Variants in DOCK5 observed in about 807,000 individuals in gnomAD.
The protein encoded by DOCK5 is dedicator of cytokinesis protein 5.
In DOCK5, 142 loss-of-function variants were observed where a neutral mutation model predicts 251.8. That is an observed-to-expected ratio of 0.56 (90% CI 0.49 to 0.65). The LOEUF (loss-of-function observed/expected upper bound fraction) is 0.65. Ranked by LOEUF, DOCK5 falls within the 30% of genes least tolerant of loss-of-function variation. DOCK5 has a pLI of 0.00. For missense variants in DOCK5, 2,111 were observed against 2,312.3 expected (o/e 0.91, Z 1.79); for synonymous variants, 842 against 835.5 (o/e 1.01, Z -0.13).
chr8:25,270,514 T>C (rs1053086411), intron 3 of DOCK5, among the ~76,000 whole-genome samples: 14 of 152,328 alleles, frequency 9.2e-5, no homozygotes, highest in African/African-American at 2.4e-4. Flanking sequence ...AGAATACTTA[T>C]GTCACTTAAT....
At chr8:25,308,170 C>T (rs1310590608) in intron 11 of DOCK5, among the ~76,000 whole-genome samples, 1 of 152,066 alleles carries the variant, frequency 6.6e-6, no homozygotes, top group Non-Finnish European at 1.5e-5. Flanking sequence ...GTTCTTTGAT[C>T]GCCCTTTACA....
At chr8:25,263,406 G>A (rs1803644264) in intron 2 of DOCK5, among the ~76,000 whole-genome samples, 1 of 151,892 alleles carries the variant, frequency 6.6e-6, no homozygotes, top group African/African-American at 2.4e-5. Context: ...TGTATAAAAA[G>A]TCATGAATTC....
intron 6 of DOCK5, among the ~76,000 whole-genome samples, chr8:25,295,013 T>C (rs534164898): frequency 3.3e-5 from 5 of 152,200 alleles, no homozygotes; most frequent in Admixed American, 1.3e-4. Context: ...ACTTCCAACA[T>C]TGGGGTGAAT....
Position 25,184,903 on chromosome 8 carries a change from G to C in DOCK5, c.-6G>C. 2 of 1,412,910 alleles carry C rather than the reference G, an allele frequency of 1.4e-6. No individual in the cohort carries two copies. The highest frequency in any genetic ancestry group is 9.3e-7 in the Non-Finnish European group (1 of 1,074,966). 87.5% of individuals were successfully genotyped at this position (1,412,910 alleles called of 1,614,324 possible). A position where few individuals can be genotyped will look rare whatever the true frequency, so the allele number is the denominator to read the frequency against. ...GTCGCCGCCGCCGCGGGGCGAGGTC[G>C]CCGCCATGGCCCGCTGGATCCCGAC... is the stretch of plus-strand genomic sequence containing the variant. On this transcript the variant is annotated 5_prime_UTR_variant, in exon 1 of 52. Transcript: ENST00000276440.
At chr8:25,324,245 G>A (rs1337140915) in intron 17 of DOCK5, among the ~76,000 whole-genome samples, 1 of 152,156 alleles carries the variant, frequency 6.6e-6, no homozygotes, top group African/African-American at 2.4e-5. Flanking sequence ...ATGGTAAGGG[G>A]TCGGCCTCTC....
At chr8:25,194,570 T>G (rs1296699298) in intron 1 of DOCK5, among the ~76,000 whole-genome samples, 1 of 152,020 alleles carries the variant, frequency 6.6e-6, no homozygotes, top group Non-Finnish European at 1.5e-5. Flanking sequence ...GCCTTGGCTC[T>G]CATTCCCATT....
In DOCK5 at chr8:25,373,601, C is replaced by CTT. The variant is rs3215159; in HGVS notation, c.3685-10_3685-9dup. 1.2e-4 allele frequency: 184 copies of CTT among 1,561,424 alleles called. No homozygotes were observed. The highest frequency in any genetic ancestry group is 2.6e-4 in the Admixed American group (14 of 54,058). ...TGATTTATGTTGGGATTCTGTGATC[C>CTT]TTTTTTTTCCTGGCAGAACTTTTAT... On this transcript the variant is annotated splice_polypyrimidine_tract_variant and intron_variant, in intron 35 of 51. Transcript: ENST00000276440.
intron 1 of DOCK5, among the ~76,000 whole-genome samples, chr8:25,220,782 T>C (rs917594999): frequency 1.3e-5 from 2 of 152,288 alleles, no homozygotes; most frequent in African/African-American, 4.8e-5. Flanking sequence ...TTTTTGTATT[T>C]TTGTAGAGTT....
At chr8:25,358,894 G>A (rs1370522023) in intron 27 of DOCK5, 69 bp from the exon 28 acceptor site, 97 of 1,388,106 alleles carry the variant, frequency 7.0e-5, no homozygotes, top group Non-Finnish European at 9.4e-5. Context: ...AGTTCATGGG[G>A]CTCACATAGT....
chr8:25,208,307 T>G (rs1401921057), intron 1 of DOCK5, among the ~76,000 whole-genome samples: 1 of 152,222 alleles, frequency 6.6e-6, no homozygotes, highest in African/African-American at 2.4e-5. Context: ...TGGAAAGGTT[T>G]GAGAGGATTG....
At chr8:25,221,441 C>A (rs1429857006) in intron 1 of DOCK5, among the ~76,000 whole-genome samples, 1 of 151,970 alleles carries the variant, frequency 6.6e-6, no homozygotes. Flanking sequence ...CTTGAGTAGC[C>A]GGGATTACAG....
At chr8:25,243,106 C>T (rs1268623908) in intron 1 of DOCK5, among the ~76,000 whole-genome samples, 1 of 152,080 alleles carries the variant, frequency 6.6e-6, no homozygotes, top group Non-Finnish European at 1.5e-5. Context: ...ATCTTTCTTC[C>T]TTCCACTCAA....
intron 51 of DOCK5, 104 bp from the exon 52 acceptor site, chr8:25,411,090 C>T: frequency 1.5e-6 from 2 of 1,349,438 alleles, no homozygotes; most frequent in South Asian, 1.7e-5. Context: ...TAGATAAACT[C>T]AGATCAATTA....
At position 25,368,603 on chromosome 8, in the gene DOCK5, G is replaced by A; in HGVS notation, c.3316G>A (p.Val1106Met). ...PHKIKFIPSM[V>M]GPILEVTLTP... ...CAAAATCAAATTCATCCCATCCATG[G>A]TGGGTCCCATTCTGGAGGTCACTCT... Residue 1106 changes from valine to methionine, a missense_variant, in exon 33 of 52, where the codon GTG (valine) becomes ATG (methionine). Val to Met is a conservative substitution (Grantham distance 21). This residue lies in a region of DOCK5 where 1,717 missense variants were observed against 1,892.4 expected (regional missense o/e 0.91). Transcript: ENST00000276440. The A allele has an allele frequency of 5.6e-6, 9 of 1,612,146 alleles. No homozygotes were observed. Among genetic ancestry groups the A allele is most frequent in the Non-Finnish European group, 7.6e-6 (9 of 1,179,376 alleles).
chr8:25,253,235 G>A (rs1208491414), intron 2 of DOCK5, among the ~76,000 whole-genome samples: 1 of 152,192 alleles, frequency 6.6e-6, no homozygotes, highest in Non-Finnish European at 1.5e-5. Flanking sequence ...TCTGTCATGA[G>A]TAAGTACTTG....
At position 25,295,395 on chromosome 8, in the gene DOCK5, A is replaced by T. The variant is rs564318256; in HGVS notation, c.471-1118A>T. 7.9e-3 allele frequency among the ~76,000 whole-genome samples: 1,203 copies of T among 152,202 alleles called. 6 individuals are homozygous for T. Among genetic ancestry groups the T allele is most frequent in the Admixed American group, 0.013 (202 of 15,278 alleles). On this transcript the variant is annotated intron_variant, in intron 6 of 51. Transcript: ENST00000276440. Reference sequence around the variant, plus strand: ...TTTAAGGCTGTCTCTAAAAAAAATAAAAATAAATAAATTCTCACAACAACC... The same window carrying T: ...TTTAAGGCTGTCTCTAAAAAAAATATAAATAAATAAATTCTCACAACAACC...
At chr8:25,256,493 G>A (rs1176125766) in intron 2 of DOCK5, among the ~76,000 whole-genome samples, 1 of 152,006 alleles carries the variant, frequency 6.6e-6, no homozygotes, top group Non-Finnish European at 1.5e-5. Context: ...ACAAAAATTA[G>A]CTGGGTGTGG....
intron 10 of DOCK5, 118 bp downstream of exon 10, chr8:25,302,572 A>G: frequency 7.6e-7 from 1 of 1,314,724 alleles, no homozygotes; most frequent in Non-Finnish European, 1.0e-6. Context: ...CTGCTTCAAA[A>G]CAATCAAAAG....
At chr8:25,333,683 G>A (rs1253542837) in intron 20 of DOCK5, among the ~76,000 whole-genome samples, 4 of 152,192 alleles carry the variant, frequency 2.6e-5, no homozygotes. Flanking sequence ...TGGTGCAGTT[G>A]TTACTGGGGG....
Sources: allele counts gnomAD v4.1 joint callset (sites outside exome capture counted in the v4.1 genomes callset), GRCh38; gene constraint gnomAD v4.1.1; regional missense constraint gnomAD v4.1.1; transcripts MANE v1.5; gene names NCBI Gene and HGNC (gene_info 2026-07-23, HGNC 2026-07-21).